Variants in MAOA observed in about 807,000 individuals in gnomAD.
The protein encoded by MAOA is amine oxidase [flavin-containing] A.
A neutral mutation model predicts 42.0 loss-of-function variants in MAOA; 6 were observed. The observed-to-expected ratio is 0.14, with a 90% confidence interval of 0.08 to 0.28. The LOEUF is 0.28. Ranked by LOEUF, MAOA falls within the 10% of genes least tolerant of loss-of-function variation. The pLI, the probability that MAOA is intolerant of heterozygous loss-of-function variation, is 1.00. For synonymous variants in MAOA, 140 were observed against 154.0 expected (o/e 0.91, Z 0.67); for missense variants, 262 against 422.3 (o/e 0.62, Z 3.33).
At chrX:43,741,291 A>G (rs767518473) in intron 11 of MAOA, among the ~76,000 whole-genome samples, 3 of 106,755 alleles carry the variant, frequency 2.8e-5, no homozygotes, top group African/African-American at 6.7e-5. Flanking sequence ...CGTCTTTTTG[A>G]AAAAAAAAAT....
intron 11 of MAOA, 101 bp downstream of exon 11, chrX:43,740,839 G>A (rs1335295981): frequency 1.3e-6 from 1 of 762,331 alleles, no homozygotes; most frequent in African/African-American, 2.1e-5. Context: ...TATGAAGAGA[G>A]TATAAAGCGA....
At chrX:43,743,769 G>A in intron 12 of MAOA, 25 bp from the exon 13 acceptor site, 1 of 1,165,806 alleles carries the variant, frequency 8.6e-7, no homozygotes, top group Non-Finnish European at 1.1e-6. Flanking sequence ...AAGTAACTCT[G>A]TGTAACCTCT....
chrX:43,688,344 G>A (rs186352911), intron 2 of MAOA, among the ~76,000 whole-genome samples: 1,315 of 111,088 alleles, frequency 0.012, 10 homozygotes, highest in Middle Eastern at 0.051. Flanking sequence ...GCAGTGGGAC[G>A]ATCTCACCTC....
chrX:43,693,616 C>T, intron 3 of MAOA, among the ~76,000 whole-genome samples, 188 bp downstream of exon 3: 1 of 111,037 alleles, frequency 9.0e-6, no homozygotes, highest in Middle Eastern at 4.6e-3. Flanking sequence ...CTAAAGTCTC[C>T]TGGAATCACT....
At chrX:43,658,820 G>A (rs745905744) in intron 1 of MAOA, among the ~76,000 whole-genome samples, 62 of 111,801 alleles carry the variant, frequency 5.5e-4, no homozygotes, top group Admixed American at 1.4e-3. Context: ...AGTGTGGCTC[G>A]TGTTAGATCC....
intron 5 of MAOA, among the ~76,000 whole-genome samples, chrX:43,714,160 C>A (rs2033719942): frequency 9.0e-6 from 1 of 110,797 alleles, no homozygotes; most frequent in Admixed American, 9.6e-5. Flanking sequence ...AAATTACCCA[C>A]AAGGGCAAGA....
At chrX:43,656,257 C>A (rs1410612775), upstream of MAOA, 1 of 895,179 alleles carries the variant, frequency 1.1e-6, no homozygotes, top group Non-Finnish European at 1.6e-6. Context: ...CCCCGGGCTC[C>A]CCGGGGGAGT....
At chrX:43,680,435 T>G (rs1294305169) in intron 1 of MAOA, among the ~76,000 whole-genome samples, 2 of 111,466 alleles carry the variant, frequency 1.8e-5, no homozygotes, top group Admixed American at 9.5e-5. Flanking sequence ...ATTTTGTTCA[T>G]TTCATCCCAG....
At chrX:43,743,994 C>A in intron 13 of MAOA, 89 bp downstream of exon 13, 5 of 1,181,209 alleles carry the variant, frequency 4.2e-6, no homozygotes, top group Non-Finnish European at 4.5e-6. Flanking sequence ...CTGATAGAAT[C>A]TGTATGTCCA....
At chrX:43,714,018 T>A in intron 5 of MAOA, among the ~76,000 whole-genome samples, 1 of 110,398 alleles carries the variant, frequency 9.1e-6, no homozygotes, top group Non-Finnish European at 1.9e-5. Flanking sequence ...GTAGAAATCG[T>A]ACCTTCCAGG....
chrX:43,733,619 A>G (rs1037333275), intron 9 of MAOA, among the ~76,000 whole-genome samples: 2 of 112,091 alleles, frequency 1.8e-5, no homozygotes, highest in African/African-American at 6.5e-5. Flanking sequence ...GTAACAAAAG[A>G]ACATAGCTTC....
chrX:43,714,737 C>A (rs1227183674), intron 5 of MAOA, among the ~76,000 whole-genome samples: 2 of 99,335 alleles, frequency 2.0e-5, no homozygotes, highest in Non-Finnish European at 4.0e-5. Flanking sequence ...TAGGAATAGC[C>A]CACAGAGTCA....
intron 2 of MAOA, among the ~76,000 whole-genome samples, chrX:43,684,753 G>A (rs1051386451): frequency 1.3e-4 from 14 of 111,289 alleles, no homozygotes; most frequent in East Asian, 5.6e-4. Context: ...ACAGAATGGC[G>A]TAAGCAATGC....
Position 43,689,013 on chromosome X carries a change from G to C in MAOA, c.169-4278G>C, listed in dbSNP as rs1269432902. On this transcript the variant is annotated intron_variant, in intron 2 of 14. Coordinates refer to ENST00000338702, the MANE Select transcript of MAOA (RefSeq NM_000240.4). ...TATATCTCTTTATCTTTCAGTTAGA[G>C]TTTTCTTTATTCTGACTTTTTTTCC... Among the ~76,000 whole-genome samples the C allele has an allele frequency of 2.7e-5, 3 of 111,775 alleles. No individual in the cohort carries two copies. In the East Asian group the frequency reaches 8.3e-4, roughly 31 times the overall value.
chrX:43,678,851 A>G (rs192200289), intron 1 of MAOA, among the ~76,000 whole-genome samples: 1 of 112,183 alleles, frequency 8.9e-6, no homozygotes, highest in East Asian at 2.8e-4. Flanking sequence ...TATTTTCCTA[A>G]CAGCATCATA....
At chrX:43,721,046 T>C (rs892449660) in intron 5 of MAOA, among the ~76,000 whole-genome samples, 5 of 110,736 alleles carry the variant, frequency 4.5e-5, no homozygotes, top group Non-Finnish European at 9.5e-5. Flanking sequence ...GAGTAGGGGA[T>C]AGACAGGAAG....
intron 6 of MAOA, among the ~76,000 whole-genome samples, chrX:43,729,690 C>A (rs1292235270): frequency 4.5e-5 from 5 of 111,258 alleles, no homozygotes; most frequent in Non-Finnish European, 7.5e-5. Flanking sequence ...GTTGCCTAGC[C>A]TGGTCTCCAA....
intron 5 of MAOA, among the ~76,000 whole-genome samples, chrX:43,714,966 A>G (rs894833808): frequency 1.9e-5 from 2 of 108,023 alleles, no homozygotes; most frequent in Non-Finnish European, 3.9e-5. Context: ...ACCCAGAGGG[A>G]TGGTGGGGAG....
rs767547104 is a variant in MAOA, at chrX:43,712,685, G to A, written c.412-20G>A. On this transcript the variant is annotated intron_variant, in intron 4 of 14. Coordinates refer to ENST00000338702, the MANE Select transcript of MAOA (RefSeq NM_000240.4). The stretch of plus-strand genomic sequence containing the variant: ...TGGCAGTTACCATCAAACCTGAGAG[G>A]GGACTTCCTTTCTCTACAGATTCCA... 2.5e-5 allele frequency: 28 copies of A among 1,112,909 alleles called. No individual in the cohort carries two copies. In the African/African-American group the frequency reaches 4.0e-4, roughly 16 times the overall value. The allele number at this position is 1,112,909 out of a possible 1,213,427, so 91.7% of individuals were successfully genotyped here.
Sources: allele counts gnomAD v4.1 joint callset (sites outside exome capture counted in the v4.1 genomes callset), GRCh38; gene constraint gnomAD v4.1.1; transcripts MANE v1.5; gene names NCBI Gene and HGNC (gene_info 2026-07-23, HGNC 2026-07-21).